The following MDFIC2 variants were observed in gnomAD, a reference collection of about 807,000 sequenced individuals.
MDFIC2 encodes myoD family inhibitor domain-containing protein 2.
chr3:70,258,703 G>A (rs1322797555), intron 2 of MDFIC2, among the ~76,000 whole-genome samples: 2 of 151,984 alleles, frequency 1.3e-5, no homozygotes, highest in African/African-American at 4.8e-5. Context: ...ATAAGAATGT[G>A]AATTGAAGCA....
At chr3:70,222,597 T>C (rs1329805548) in intron 2 of MDFIC2, among the ~76,000 whole-genome samples, 1 of 152,056 alleles carries the variant, frequency 6.6e-6, no homozygotes, top group Non-Finnish European at 1.5e-5. Context: ...AAAACAGTAA[T>C]AGAAATTCCA....
chr3:70,197,507 C>T (rs1701194017), intron 3 of MDFIC2, among the ~76,000 whole-genome samples: 2 of 152,218 alleles, frequency 1.3e-5, no homozygotes, highest in Non-Finnish European at 2.9e-5. Context: ...AGCTACCTCT[C>T]TGGAAACCTT....
intron 2 of MDFIC2, among the ~76,000 whole-genome samples, chr3:70,303,029 A>G (rs1357267): frequency 0.25 from 37,721 of 152,132 alleles, 4,841 homozygotes; most frequent in South Asian, 0.33. Flanking sequence ...TCAGAGAATC[A>G]AAATGATTTT....
intron 2 of MDFIC2, among the ~76,000 whole-genome samples, chr3:70,231,020 ACATCGTGTCTTAC>A (rs1701554547): frequency 6.6e-6 from 1 of 152,218 alleles, no homozygotes; most frequent in Non-Finnish European, 1.5e-5. Flanking sequence ...CAGCCCTGGA[ACATCGTGTCTTAC>A]CATCGCTCTG....
intron 2 of MDFIC2, among the ~76,000 whole-genome samples, chr3:70,300,925 G>C (rs1401900637): frequency 6.6e-6 from 1 of 151,920 alleles, no homozygotes; most frequent in Non-Finnish European, 1.5e-5. Flanking sequence ...AAAAAGTCAA[G>C]AAAGCCGTTA....
intron 3 of MDFIC2, among the ~76,000 whole-genome samples, chr3:70,202,695 AC>A (rs886297770): frequency 6.6e-6 from 1 of 151,814 alleles, no homozygotes; most frequent in Non-Finnish European, 1.5e-5. Context: ...CATGACAAAA[AC>A]CCCTTTGGGC....
intron 2 of MDFIC2, among the ~76,000 whole-genome samples, chr3:70,289,290 A>G (rs1271278567): frequency 1.3e-5 from 2 of 151,522 alleles, no homozygotes; most frequent in African/African-American, 4.9e-5. Context: ...GCTTGTCTGT[A>G]AAGTATTTTA....
At chr3:70,309,887 G>A (rs999121852) in intron 2 of MDFIC2, among the ~76,000 whole-genome samples, 1 of 152,128 alleles carries the variant, frequency 6.6e-6, no homozygotes, top group Non-Finnish European at 1.5e-5. Flanking sequence ...TGCCTACGCT[G>A]TACTTAATGG....
chr3:70,255,647 T>TG (rs1260957307), intron 2 of MDFIC2, among the ~76,000 whole-genome samples: 1 of 151,856 alleles, frequency 6.6e-6, no homozygotes, highest in Non-Finnish European at 1.5e-5. Flanking sequence ...CCTGTGGAGG[T>TG]GGGGTCTCAT....
intron 2 of MDFIC2, among the ~76,000 whole-genome samples, chr3:70,287,545 T>G (rs1702178964): frequency 6.6e-6 from 1 of 151,962 alleles, no homozygotes; most frequent in Non-Finnish European, 1.5e-5. Context: ...TCTGCCCGGC[T>G]TTGGTATCAG....
At chr3:70,255,409 G>T (rs1457645069) in intron 2 of MDFIC2, among the ~76,000 whole-genome samples, 1 of 151,698 alleles carries the variant, frequency 6.6e-6, no homozygotes, top group Non-Finnish European at 1.5e-5. Context: ...AAGCATTTTG[G>T]TTCTGTGATT....
intron 2 of MDFIC2, among the ~76,000 whole-genome samples, chr3:70,278,949 A>G (rs1221991594): frequency 6.6e-6 from 1 of 151,496 alleles, no homozygotes; most frequent in African/African-American, 2.4e-5. Flanking sequence ...TCTCCTCTTC[A>G]TAGTGGTCTG....
chr3:70,236,727 C>G (rs1701613352), intron 2 of MDFIC2, among the ~76,000 whole-genome samples: 1 of 152,032 alleles, frequency 6.6e-6, no homozygotes, highest in African/African-American at 2.4e-5. Flanking sequence ...TCGTGAGTAG[C>G]TGGGACCACT....
chr3:70,271,560 T>C (rs1701975820), intron 2 of MDFIC2, among the ~76,000 whole-genome samples: 1 of 152,202 alleles, frequency 6.6e-6, no homozygotes, highest in Admixed American at 6.5e-5. Flanking sequence ...AAAATTTGAC[T>C]CACAGGCCAC....
chr3:70,262,047 A>G (rs1489833898), intron 2 of MDFIC2, among the ~76,000 whole-genome samples: 5 of 152,140 alleles, frequency 3.3e-5, no homozygotes, highest in Admixed American at 2.6e-4. Flanking sequence ...GCCATTCCTC[A>G]TGTGTCCTTG....
At position 70,220,370 on chromosome 3, in the gene MDFIC2, G is replaced by T. The variant is rs74649537; in HGVS notation, c.89-13580C>A. Among the ~76,000 whole-genome samples the T allele has an allele frequency of 2.9e-3, 435 of 152,074 alleles. 1 individual carries two copies. The highest frequency in any genetic ancestry group is 0.02 in the Middle Eastern group (6 of 294). On this transcript the variant is annotated intron_variant, in intron 2 of 3. Transcript: ENST00000567252. ...AACTTGGCTCCAGGAGTTTGAAGCT[G>T]CAGTGCTGCAGTGAGCTATGATGGC...
In MDFIC2 at chr3:70,288,607, G is replaced by A. The variant is rs1702192499; in HGVS notation, c.88+23279C>T. Among the ~76,000 whole-genome samples, 3 of 149,978 alleles carry A rather than the reference G, an allele frequency of 2.0e-5. No individual in the cohort carries two copies. The South Asian group carries it at 6.5e-4, about 33-fold the overall frequency. On this transcript the variant is annotated intron_variant, in intron 2 of 3. Transcript: ENST00000567252. ...CTGCAGAGCTGAGTTCAATTCCTGG[G>A]TATCCTTGTTGACTTTCTGTCTCGT...
intron 2 of MDFIC2, among the ~76,000 whole-genome samples, chr3:70,250,121 A>AT (rs1346527482): frequency 3.3e-5 from 5 of 152,040 alleles, no homozygotes; most frequent in Non-Finnish European, 7.4e-5. Flanking sequence ...AAGCCAGGGG[A>AT]TTTTTTAGCC....
chr3:70,294,709 A>T (rs1702273407), intron 2 of MDFIC2, among the ~76,000 whole-genome samples: 1 of 152,136 alleles, frequency 6.6e-6, no homozygotes, highest in South Asian at 2.1e-4. Flanking sequence ...TGGCTCGAGG[A>T]TTGATTAAAT....
Sources: gnomAD v4.1 joint callset for allele counts (sites outside exome capture counted in the v4.1 genomes callset) on GRCh38, gnomAD v4.1.1 for gene constraint, MANE v1.5 for transcripts, NCBI Gene and HGNC (gene_info 2026-07-23, HGNC 2026-07-21) for gene names.